Variants in DNAH11 observed in about 807,000 individuals in gnomAD.
DNAH11 encodes dynein axonemal heavy chain 11.
In DNAH11, 442 loss-of-function variants were observed where a neutral mutation model predicts 526.0. That is an observed-to-expected ratio of 0.84 (90% CI 0.78 to 0.91). The LOEUF (loss-of-function observed/expected upper bound fraction) is 0.91. Among genes scored for constraint, DNAH11 ranks in the 40% least tolerant of loss-of-function variants. The pLI, the probability that DNAH11 is intolerant of heterozygous loss-of-function variation, is 0.00. For missense variants in DNAH11, 6,989 were observed against 5,448.7 expected (o/e 1.28, Z -8.90); for synonymous variants, 2,461 against 1,935.9 (o/e 1.27, Z -7.12).
chr7:21,648,536 G>A (rs1271282455), intron 28 of DNAH11, among the ~76,000 whole-genome samples: 1 of 152,198 alleles, frequency 6.6e-6, no homozygotes, highest in African/African-American at 2.4e-5. Flanking sequence ...TACCAGCTGA[G>A]CAACCATCAC....
chr7:21,819,562 T>C (rs922285168), intron 65 of DNAH11, among the ~76,000 whole-genome samples: 2 of 152,220 alleles, frequency 1.3e-5, no homozygotes, highest in African/African-American at 4.8e-5. Context: ...ATCCTTGTTA[T>C]TAAGGTTCTG....
At chr7:21,626,759 T>G (rs1786356050) in intron 25 of DNAH11, among the ~76,000 whole-genome samples, 1 of 144,118 alleles carries the variant, frequency 6.9e-6, no homozygotes, top group East Asian at 2.0e-4. Flanking sequence ...TTTTTTTTTT[T>G]TTTTTTTTTT....
chr7:21,659,282 C>G (rs989315828), intron 30 of DNAH11, among the ~76,000 whole-genome samples: 1 of 148,640 alleles, frequency 6.7e-6, no homozygotes, highest in Non-Finnish European at 1.5e-5. Context: ...ATACTAGATA[C>G]TGTACATGCT....
chr7:21,620,003 C>T lies in DNAH11; in HGVS notation c.4425C>T (p.Tyr1475=), dbSNP rs373706559. 48 of 1,608,498 alleles carry T rather than the reference C, an allele frequency of 3.0e-5. No homozygotes were observed. The highest frequency in any genetic ancestry group is 1.6e-4 in the Middle Eastern group (1 of 6,068). ...CCTGGGCAACCATGAAGTTTTCTTA[C>T]GAAGTTCACTATCGAACAGGCATTC... ...SQTWATMKFS[Y]EVHYRTGIPL... is the part of the protein sequence containing the mutation. Residue 1475 remains tyrosine, a synonymous_variant, in exon 25 of 82, where the codon TAC becomes TAT. Transcript: ENST00000409508.
At chr7:21,605,908 C>T (rs548364808) in intron 18 of DNAH11, among the ~76,000 whole-genome samples, 1 of 152,246 alleles carries the variant, frequency 6.6e-6, no homozygotes, top group East Asian at 1.9e-4. Flanking sequence ...GTTCTGAACC[C>T]AGCAGTGCCA....
intron 69 of DNAH11, among the ~76,000 whole-genome samples, chr7:21,863,732 A>G (rs1017500217): frequency 3.3e-5 from 5 of 152,238 alleles, no homozygotes; most frequent in Non-Finnish European, 7.3e-5. Flanking sequence ...TTAAGTCCTG[A>G]CAATCTATAT....
intron 73 of DNAH11, among the ~76,000 whole-genome samples, chr7:21,870,914 C>T (rs776706515): frequency 6.6e-6 from 1 of 152,224 alleles, no homozygotes; most frequent in Middle Eastern, 3.4e-3. Flanking sequence ...TTGGGCCATC[C>T]CAGTGTCTAG....
intron 65 of DNAH11, among the ~76,000 whole-genome samples, chr7:21,824,331 T>A (rs777238133): frequency 6.6e-6 from 1 of 152,308 alleles, no homozygotes; most frequent in African/African-American, 2.4e-5. Context: ...CAATTCTGCC[T>A]CCACTTCCAA....
In DNAH11 at chr7:21,600,774, CCT is replaced by C; in HGVS notation, c.3100_3101del (p.Leu1034GlyfsTer10). On this transcript the variant is annotated frameshift_variant, in exon 16 of 82. Coordinates refer to ENST00000409508, the MANE Select transcript of DNAH11 (RefSeq NM_001277115.2). LOFTEE classifies it high-confidence loss of function. ...INKVLDFRNT[L>X]ETHTYLWVDD... is the part of the protein sequence containing the mutation. ...ACAAAGTCTTAGATTTCAGAAACAC[CCT>C]GGAGACCCACACTTACCTCTGGGTG... 1 of 1,613,730 alleles carries C rather than the reference CCT, an allele frequency of 6.2e-7. No homozygotes were observed. Among genetic ancestry groups the C allele is most frequent in the Non-Finnish European group, 8.5e-7 (1 of 1,179,820 alleles).
In DNAH11 at chr7:21,590,814, T is replaced by C. The variant is rs148332577; in HGVS notation, c.2170-104T>C. ...GTCTATTTACCTTGATTTGGAAATA[T>C]AGTAATACTTGGATAACATCTTAAG... On this transcript the variant is annotated intron_variant, in intron 12 of 81. Transcript: ENST00000409508. 9.2e-3 allele frequency: 6,494 copies of C among 705,418 alleles called. 55 individuals carry two copies. Among genetic ancestry groups the C allele is most frequent in the Non-Finnish European group, 9.1e-3 (4,416 of 484,844 alleles). The allele number at this position is 705,418 out of a possible 1,614,324, so 43.7% of individuals were successfully genotyped here. A position where few individuals can be genotyped will look rare whatever the true frequency, so the allele number is the denominator to read the frequency against.
In DNAH11 at chr7:21,543,349, T is replaced by TCGAGGAGGAGGAGGAGAA. The variant is rs1409783994; in HGVS notation, c.116_133dup (p.Glu39_Glu44dup). ...CTGGAGGCAGTGGGCGCTGTGGAGC[T>TCGAGGAGGAGGAGGAGAA]CGAGGAGGAGGAGGAGAACGAGGAG... On this transcript the variant is annotated inframe_insertion, in exon 1 of 82. Transcript: ENST00000409508. 2 of 1,551,010 alleles carry TCGAGGAGGAGGAGGAGAA rather than the reference T, an allele frequency of 1.3e-6. No individual in the cohort carries two copies. The highest frequency in any genetic ancestry group is 2.0e-5 in the Admixed American group (1 of 50,968).
chr7:21,655,071 C>A (rs1417658144), intron 28 of DNAH11, among the ~76,000 whole-genome samples: 1 of 149,510 alleles, frequency 6.7e-6, no homozygotes, highest in Admixed American at 6.6e-5. Flanking sequence ...TGGTTTTCCC[C>A]CCCCACCCCC....
chr7:21,804,397 C>A (rs1007864273), intron 62 of DNAH11, among the ~76,000 whole-genome samples: 2 of 152,202 alleles, frequency 1.3e-5, no homozygotes, highest in African/African-American at 4.8e-5. Context: ...GCATGAGCCA[C>A]CGTGCCCAGC....
chr7:21,556,022 C>T (rs1290709325), intron 2 of DNAH11, among the ~76,000 whole-genome samples: 2 of 152,216 alleles, frequency 1.3e-5, no homozygotes, highest in African/African-American at 4.8e-5. Context: ...GAGGCAGCTA[C>T]AGCAGGTCAT....
chr7:21,622,328 A>G (rs1314739121), intron 25 of DNAH11, among the ~76,000 whole-genome samples: 3 of 152,248 alleles, frequency 2.0e-5, no homozygotes, highest in Non-Finnish European at 2.9e-5. Context: ...GAGGATACAA[A>G]GAAATGGAAG....
chr7:21,885,356 C>T (rs1159749089), intron 76 of DNAH11, among the ~76,000 whole-genome samples: 6 of 150,208 alleles, frequency 4.0e-5, no homozygotes, highest in African/African-American at 1.5e-4. Flanking sequence ...TGAAATAAGT[C>T]AGACGCAGAA....
intron 34 of DNAH11, among the ~76,000 whole-genome samples, chr7:21,689,681 T>G (rs977508937): frequency 6.6e-6 from 1 of 152,192 alleles, no homozygotes; most frequent in Admixed American, 6.5e-5. Flanking sequence ...TCTCCATTTT[T>G]ATCTTGACTA....
chr7:21,739,954 A>G (rs1238062356), intron 48 of DNAH11, among the ~76,000 whole-genome samples: 1 of 152,166 alleles, frequency 6.6e-6, no homozygotes, highest in African/African-American at 2.4e-5. Context: ...TATTATTAAC[A>G]TCTTGCATTA....
Position 21,894,687 on chromosome 7 carries a change from T to C in DNAH11, c.12815T>C (p.Met4272Thr). Residue 4272 changes from methionine to threonine, a missense_variant, in exon 78 of 82, where the codon ATG becomes ACG. Coordinates refer to ENST00000409508, the MANE Select transcript of DNAH11 (RefSeq NM_001277115.2). ...GAAGAGTTCAACATGGCAGAGATAA[T>C]GCAAAAAAATTCAAATAGAAGCCCA... ...LPEEFNMAEIMQKNSNRSPYV... is the reference protein window; with the variant it reads ...LPEEFNMAEITQKNSNRSPYV... 3 of 1,613,914 alleles carry C rather than the reference T, an allele frequency of 1.9e-6. No individual in the cohort carries two copies. The highest frequency in any genetic ancestry group is 2.5e-6 in the Non-Finnish European group (3 of 1,179,866).
Sources: gnomAD v4.1 joint callset for allele counts (sites outside exome capture counted in the v4.1 genomes callset) on GRCh38, gnomAD v4.1.1 for gene constraint, MANE v1.5 for transcripts, NCBI Gene and HGNC (gene_info 2026-07-23, HGNC 2026-07-21) for gene names.